The following TTN variants were observed in gnomAD, a reference collection of about 807,000 sequenced individuals.
The protein encoded by TTN is titin.
TTN carries 1,525 observed loss-of-function variants against 3,223.0 expected under a neutral mutation model. The ratio of observed to expected loss-of-function variants is 0.47; its 90% CI spans 0.45 to 0.49. The LOEUF (loss-of-function observed/expected upper bound fraction) is 0.49. Ranked by LOEUF, TTN falls within the 20% of genes least tolerant of loss-of-function variation. The pLI is 0.00. For missense variants in TTN, 40,786 were observed against 43,424.0 expected (o/e 0.94, Z 5.40); for synonymous variants, 14,094 against 15,161.0 (o/e 0.93, Z 5.17).
chr2:178,685,165 G>A (rs1024467263), intron 129 of TTN, 88 bp downstream of exon 129: 3 of 1,239,128 alleles, frequency 2.4e-6, no homozygotes, highest in Non-Finnish European at 3.4e-6. Context: ...TATGCAAATT[G>A]TTATGCATAA....
Position 178,713,221 on chromosome 2 carries a change from T to G in TTN, c.26913A>C (p.Lys8971Asn). The change falls in exon 93 of 363, where the codon AAA becomes AAC. Residue 8971 changes from lysine (K) to asparagine (N), a missense_variant. Coordinates refer to ENST00000589042, the MANE Select transcript of TTN (RefSeq NM_001267550.2). ...HEGNEISSGRKYQTTLTDNTC... is the reference protein window; with the variant it reads ...HEGNEISSGRNYQTTLTDNTC... The stretch of plus-strand genomic sequence containing the variant: ...TATTATCTGTCAGGGTGGTCTGGTA[T>G]TTCCTTCCACTACTGATCTCATTTC... 4 of 1,613,586 alleles carry G rather than the reference T, an allele frequency of 2.5e-6. No homozygotes were observed. Among genetic ancestry groups the G allele is most frequent in the Non-Finnish European group, 3.4e-6 (4 of 1,179,710 alleles).
chr2:178,745,002 A>G, intron 47 of TTN: 1 of 985,812 alleles, frequency 1.0e-6, no homozygotes. Flanking sequence ...GATGAAGTTA[A>G]TATATTAAGA....
At chr2:178,692,935 A>G (rs2072827989) in intron 119 of TTN, among the ~76,000 whole-genome samples, 1 of 151,806 alleles carries the variant, frequency 6.6e-6, no homozygotes, top group Non-Finnish European at 1.5e-5. Flanking sequence ...ATACAATTGC[A>G]TTAGATTTTT....
At position 178,574,387 on chromosome 2, in the gene TTN, T is replaced by C; in HGVS notation, c.71745A>G (p.Pro23915=). 6.2e-7 allele frequency: 1 copy of C among 1,613,626 alleles called. No individual in the cohort carries two copies. The highest frequency in any genetic ancestry group is 8.5e-7 in the Non-Finnish European group (1 of 1,179,644). The change falls in exon 326 of 363, where the codon CCA becomes CCG. Residue 23915 remains proline, a synonymous_variant. Coordinates refer to ENST00000589042, the MANE Select transcript of TTN (RefSeq NM_001267550.2). ...NMAGKSKPSK[P]SEPMLALDPI... is the part of the protein sequence containing the mutation. ...GATCCAGAGCCAACATAGGTTCTGA[T>C]GGCTTGCTTGGCTTACTTTTGCCTG...
Position 178,709,757 on chromosome 2 carries a change from T to A in TTN, c.28562A>T (p.Gln9521Leu). 1 of 1,613,894 alleles carries A rather than the reference T, an allele frequency of 6.2e-7. No individual in the cohort carries two copies. The highest frequency in any genetic ancestry group is 8.5e-7 in the Non-Finnish European group (1 of 1,179,824). ...FKLEGRVAGS[Q>L]PITVAWYKNN... is the part of the protein sequence containing the mutation. ...TTTGTACCAGGCAACAGTTATAGGT[T>A]GGGAACCAGCCACACGTCCCTCAAG... Residue 9521 changes from glutamine to leucine, a missense_variant, in exon 99 of 363, where the codon CAA (glutamine) becomes CTA (leucine). Physicochemically the swap from Gln to Leu is moderately radical, Grantham distance 113. Transcript: ENST00000589042.
rs1205464474 is a variant in TTN, at chr2:178,639,792, T to C, written c.40787-4A>G. 1.3e-6 allele frequency: 2 copies of C among 1,579,528 alleles called. No individual in the cohort carries two copies. Among genetic ancestry groups the C allele is most frequent in the Non-Finnish European group, 1.7e-6 (2 of 1,166,752 alleles). ...GGTGGTTTGATTGTTTTCACTTCTG[T>C]AGAGAGAAGTCCATTGCATTAGTGT... On this transcript the variant is annotated splice_polypyrimidine_tract_variant and splice_region_variant and intron_variant, in intron 222 of 362. Transcript: ENST00000589042.
intron 288 of TTN, chr2:178,600,607 A>T: frequency 5.8e-6 from 3 of 517,866 alleles, no homozygotes; most frequent in Non-Finnish European, 1.0e-5. Flanking sequence ...ACAGACTGCG[A>T]GGAAAATTAC....
Position 178,562,031 on chromosome 2 carries a change from T to A in TTN, c.84101A>T (p.Glu28034Val). The change falls in exon 326 of 363, where the codon GAA (glutamate) becomes GTA (valine). Residue 28034 changes from glutamate to valine, a missense_variant. Physicochemically the swap from Glu to Val is moderately radical, Grantham distance 121. Coordinates refer to ENST00000589042, the MANE Select transcript of TTN (RefSeq NM_001267550.2). ...EASKEDVGTY[E>V]LCVSNSAGSI... ...TCCAGCACTGTTTGAAACACATAATTCATAAGTTCCAACATCTTCCTTTGA... is the reference window on the plus strand; with the variant it reads ...TCCAGCACTGTTTGAAACACATAATACATAAGTTCCAACATCTTCCTTTGA... 1 of 1,613,418 alleles carries A rather than the reference T, an allele frequency of 6.2e-7. No individual in the cohort carries two copies. Among genetic ancestry groups the A allele is most frequent in the Non-Finnish European group, 8.5e-7 (1 of 1,179,686 alleles).
rs368897297 is a variant in TTN, at chr2:178,729,808, T to C, written c.18445A>G (p.Ile6149Val). The C allele has an allele frequency of 3.0e-5, 49 of 1,613,762 alleles. No homozygotes were observed. Among genetic ancestry groups the C allele is most frequent in the Non-Finnish European group, 4.0e-5 (47 of 1,179,738 alleles). Residue 6149 changes from isoleucine (I) to valine (V), a missense_variant, in exon 63 of 363, where the codon ATT becomes GTT. Physicochemically the swap from Ile to Val is conservative, Grantham distance 29. Transcript: ENST00000589042. ...ATGAAGGAAATGCCATGTTTCTGAA[T>C]GGCTGTTATTTCATTCCCGTCTAGA... ...WYLDGNEITA[I>V]QKHGISFIDG...
Position 178,732,840 on chromosome 2 carries a change from C to A in TTN, c.16336G>T (p.Val5446Leu). Reference protein sequence around the residue: ...GSKDSSGALIVQEPPSFVTKP... With the variant: ...GSKDSSGALILQEPPSFVTKP... ...TGCAAAGTCTCCAGCCAACCTTGCA[C>A]AATCAGGGCTCCACTGCTGTCTTTG... Residue 5446 changes from valine to leucine, a missense_variant, in exon 55 of 363, where the codon GTG (valine) becomes TTG (leucine). Transcript: ENST00000589042. 2 of 1,608,268 alleles carry A rather than the reference C, an allele frequency of 1.2e-6. No individual in the cohort carries two copies. Among genetic ancestry groups the A allele is most frequent in the Non-Finnish European group, 1.7e-6 (2 of 1,176,268 alleles).
In TTN at chr2:178,547,920, C is replaced by T. The variant is rs1697878797; in HGVS notation, c.93706G>A (p.Asp31236Asn). 1 of 1,613,650 alleles carries T rather than the reference C, an allele frequency of 6.2e-7. No homozygotes were observed. Among genetic ancestry groups the T allele is most frequent in the African/African-American group, 1.3e-5 (1 of 74,892 alleles). ...GCAGGACGACCACTGATTGGTACGT[C>T]AATGGTAAATGGGCTTCCTGCTTTG... is the stretch of plus-strand genomic sequence containing the variant. The part of the protein sequence containing the change: ...TCKAGSPFTI[D>N]VPISGRPAPK... Residue 31236 changes from aspartate (D) to asparagine (N), a missense_variant, in exon 339 of 363, where the codon GAC (aspartate) becomes AAC (asparagine). By Grantham distance (23) the Asp-to-Asn change is conservative (BLOSUM62 1). Coordinates refer to ENST00000589042, the MANE Select transcript of TTN (RefSeq NM_001267550.2).
chr2:178,559,004 CTATATA>C (rs921549365), intron 326 of TTN: 17 of 296,856 alleles, frequency 5.7e-5, no homozygotes, highest in African/African-American at 3.2e-4. Flanking sequence ...TACACACATA[CTATATA>C]TATATAATCT....
chr2:178,653,049 G>A lies in TTN; in HGVS notation c.38867C>T (p.Pro12956Leu). ...AAGCCAGTGACAAATACCTTTAACA[G>A]GTGGGACTTCAGGTTTTTTAGGAGG... ...VTPPKKPEVP[P>L]VKVPEAPIEV... The change falls in exon 199 of 363, where the codon CCT (proline) becomes CTT (leucine). Residue 12956 changes from proline (P) to leucine (L), a missense_variant. Coordinates refer to ENST00000589042, the MANE Select transcript of TTN (RefSeq NM_001267550.2). 2 of 1,613,264 alleles carry A rather than the reference G, an allele frequency of 1.2e-6. No homozygotes were observed. The highest frequency in any genetic ancestry group is 1.7e-6 in the Non-Finnish European group (2 of 1,179,540).
In TTN at chr2:178,608,257, G is replaced by A; in HGVS notation, c.52626C>T (p.Phe17542=). Residue 17542 remains phenylalanine, a synonymous_variant, in exon 275 of 363, where the codon TTC becomes TTT. Coordinates refer to ENST00000589042, the MANE Select transcript of TTN (RefSeq NM_001267550.2). ...DGLLEGLTYV[F]RVCAENAAGP... The stretch of plus-strand genomic sequence containing the variant: ...CAGCTGCATTTTCAGCACATACTCT[G>A]AAGACATAGGTGAGTCCTTCTAATA... 6.2e-7 allele frequency: 1 copy of A among 1,610,970 alleles called. No individual in the cohort carries two copies. Among genetic ancestry groups the A allele is most frequent in the Non-Finnish European group, 8.5e-7 (1 of 1,178,472 alleles).
At position 178,564,514 on chromosome 2, in the gene TTN, A is replaced by G. The variant is rs781760454; in HGVS notation, c.81618T>C (p.Ile27206=). The G allele has an allele frequency of 6.2e-7, 1 of 1,612,720 alleles. No individual in the cohort carries two copies. The highest frequency in any genetic ancestry group is 1.1e-5 in the South Asian group (1 of 90,980). ...CATCAGGTAGATCTTTCTTTTCTAC[A>G]ATATAACCTGTTATTTTGCTACCAC... ...YDGGSKITGY[I]VEKKDLPDGR... is the part of the protein sequence containing the mutation. The change falls in exon 326 of 363, where the codon ATT becomes ATC. Residue 27206 remains isoleucine (I), a synonymous_variant. Transcript: ENST00000589042.
rs1406136115 is a variant in TTN at position 178,740,548 on chromosome 2, CAG to C, written c.12683_12684del (p.Ser4228CysfsTer3). ...IEPPMHSYLT[S>X]VAEEVLSPKE... ...TTTGGTGAAAGTACTTCCTCAGCCA[CAG>C]AGGTTAGATAAGAATGCATTGGAGG... On this transcript the variant is annotated frameshift_variant, in exon 48 of 363. Transcript: ENST00000589042. LOFTEE classifies it high-confidence loss of function. 6.2e-7 allele frequency: 1 copy of C among 1,613,828 alleles called. No individual in the cohort carries two copies. The highest frequency in any genetic ancestry group is 8.5e-7 in the Non-Finnish European group (1 of 1,179,820).
Position 178,779,351 on chromosome 2 carries a change from C to A in TTN, c.3841G>T (p.Val1281Phe). ...ACAGCTTCAGATTCAGAAATGTCAA[C>A]TGCCATCTTTTCTTCTCCATCTTCT... ...LEEDGEEKMAVDISESEAVES... is the reference protein window; with the variant it reads ...LEEDGEEKMAFDISESEAVES... The change falls in exon 23 of 363, where the codon GTT becomes TTT. Residue 1281 changes from valine to phenylalanine, a missense_variant. Physicochemically the swap from Val to Phe is conservative, Grantham distance 50 (BLOSUM62 -1). Transcript: ENST00000589042. The A allele has an allele frequency of 6.2e-7, 1 of 1,612,200 alleles. No homozygotes were observed.
chr2:178,752,052 A>C lies in TTN; in HGVS notation c.11311+1072T>G. On this transcript the variant is annotated intron_variant, in intron 47 of 362. Coordinates refer to ENST00000589042, the MANE Select transcript of TTN (RefSeq NM_001267550.2). ...TCAGAGAATAATTCTGGAAAAAAAA[A>C]AAAAAACCTTTACTATTTTCCATAG... 2.5e-6 allele frequency: 4 copies of C among 1,587,518 alleles called. No individual in the cohort carries two copies. In the African/African-American group the frequency reaches 5.5e-5, roughly 22 times the overall value.
intron 112 of TTN, among the ~76,000 whole-genome samples, chr2:178,698,154 C>T (rs574090475): frequency 8.5e-4 from 130 of 152,242 alleles, no homozygotes; most frequent in African/African-American, 2.9e-3. Context: ...AAGACAAAGA[C>T]TGTAAGTTCT....
Sources: allele counts gnomAD v4.1 joint callset (sites outside exome capture counted in the v4.1 genomes callset), GRCh38; gene constraint gnomAD v4.1.1; transcripts MANE v1.5; gene names NCBI Gene and HGNC (gene_info 2026-07-23, HGNC 2026-07-21).